USP10: variants seen among roughly 807,000 people sequenced by gnomAD.
USP10 encodes the protein ubiquitin carboxyl-terminal hydrolase 10.
Under a neutral mutation model 84.5 loss-of-function variants are expected in USP10, and 22 were observed. That is an observed-to-expected ratio of 0.26 (90% confidence interval 0.19 to 0.37). USP10 has a LOEUF of 0.37. Ranked by LOEUF, USP10 falls within the 10% of genes least tolerant of loss-of-function variation. The probability of loss-of-function intolerance (pLI) is 1.00; values close to 1 mark genes in which losing one functional copy is unlikely to be tolerated. For missense variants in USP10, 1,019 were observed against 998.9 expected, an observed-to-expected ratio of 1.02 and a Z score of -0.27; for synonymous variants, 454 against 387.6, an observed-to-expected ratio of 1.17 and a Z score of -2.01.
chr16:84,710,388 C>G (rs1011448831), intron 1 of USP10, among the ~76,000 whole-genome samples: 13 of 151,996 alleles, frequency 8.6e-5, no homozygotes, highest in African/African-American at 3.1e-4. Flanking sequence ...TGGGACTCTA[C>G]TCTCTGCTCA....
intron 4 of USP10, among the ~76,000 whole-genome samples, chr16:84,749,945 G>A (rs1281239158): frequency 6.6e-6 from 1 of 152,168 alleles, no homozygotes; most frequent in African/African-American, 2.4e-5. Flanking sequence ...AGAAGGACAC[G>A]CCAGGGGAGA....
chr16:84,738,797 G>A (rs1385734094), intron 2 of USP10, among the ~76,000 whole-genome samples: 2 of 152,186 alleles, frequency 1.3e-5, no homozygotes, highest in African/African-American at 4.8e-5. Context: ...TTTTATTGCT[G>A]TGATTATTGA....
chr16:84,750,935 AG>A (rs1911855483), intron 4 of USP10, among the ~76,000 whole-genome samples: 1 of 152,216 alleles, frequency 6.6e-6, no homozygotes. Context: ...TATACCTAAA[AG>A]GCATTGGATC....
At chr16:84,742,516 G>C (rs1309375202) in intron 3 of USP10, among the ~76,000 whole-genome samples, 2 of 152,198 alleles carry the variant, frequency 1.3e-5, no homozygotes, top group African/African-American at 4.8e-5. Flanking sequence ...CCTCTCTACT[G>C]CATGTACTGC....
Position 84,779,001 on chromosome 16 carries a change from G to C in USP10, c.2316G>C (p.Val772=), listed in dbSNP as rs375574756. The C allele has an allele frequency of 3.7e-6, 6 of 1,614,040 alleles. No individual in the cohort carries two copies. ...WLRIDDQTVK[V]INQYQVVKPT... ...GCATCGATGACCAGACAGTCAAGGT[G>C]ATCAACCAGTACCAGGTGGTGAAAC... The change falls in exon 14 of 14, where the codon GTG becomes GTC. Residue 772 remains valine (V), a synonymous_variant. Coordinates refer to ENST00000219473, the MANE Select transcript of USP10 (RefSeq NM_005153.3).
At chr16:84,732,832 C>T (rs1231168956) in intron 1 of USP10, among the ~76,000 whole-genome samples, 2 of 152,138 alleles carry the variant, frequency 1.3e-5, no homozygotes, top group Non-Finnish European at 2.9e-5. Context: ...TTAACCACTT[C>T]GTTTTCCAGA....
intron 4 of USP10, among the ~76,000 whole-genome samples, chr16:84,756,407 A>G (rs1567635358): frequency 6.6e-6 from 1 of 152,224 alleles, no homozygotes; most frequent in African/African-American, 2.4e-5. Context: ...AGCCTGGCCA[A>G]CATGGTGAAA....
At chr16:84,746,054 A>G (rs373346941) in intron 4 of USP10, among the ~76,000 whole-genome samples, 27 of 149,202 alleles carry the variant, frequency 1.8e-4, no homozygotes, top group African/African-American at 6.4e-4. Context: ...CCTTTTTTAT[A>G]TTTCTTAAGA....
At chr16:84,724,018 A>T (rs949352296) in intron 1 of USP10, among the ~76,000 whole-genome samples, 4 of 152,206 alleles carry the variant, frequency 2.6e-5, no homozygotes, top group African/African-American at 9.6e-5. Flanking sequence ...AGTTGGTGGA[A>T]TCTTGAACTT....
Position 84,762,998 on chromosome 16 carries a change from G to C in USP10, c.1564G>C (p.Glu522Gln). 6.2e-7 allele frequency: 1 copy of C among 1,607,900 alleles called. No individual in the cohort carries two copies. The highest frequency in any genetic ancestry group is 8.5e-7 in the Non-Finnish European group (1 of 1,175,594). ...TATTTGACCTTTTCAGGGTCGACAA[G>C]AAGATGCTGAGGAATACTTAGGCTT... Reference protein sequence around the residue: ...KSSLSEKGRQEDAEEYLGFIL... With the variant: ...KSSLSEKGRQQDAEEYLGFIL... The change falls in exon 9 of 14, where the codon GAA (glutamate) becomes CAA (glutamine). Residue 522 changes from glutamate (E) to glutamine (Q), a missense_variant. This residue lies in a region of USP10 where 787 missense variants were observed against 708.8 expected (regional missense o/e 1.11). Transcript: ENST00000219473.
chr16:84,771,857 G>C (rs1400032805), intron 11 of USP10, among the ~76,000 whole-genome samples: 2 of 152,120 alleles, frequency 1.3e-5, no homozygotes, highest in African/African-American at 4.8e-5. Context: ...GACAGAGTGA[G>C]AACTCCCTCC....
chr16:84,706,534 A>G (rs1026572149), intron 1 of USP10, among the ~76,000 whole-genome samples: 2 of 147,732 alleles, frequency 1.4e-5, no homozygotes, highest in African/African-American at 4.9e-5. Flanking sequence ...ATATTTATAT[A>G]TATTTTTATA....
chr16:84,749,850 G>A (rs183092176), intron 4 of USP10, among the ~76,000 whole-genome samples: 1 of 152,210 alleles, frequency 6.6e-6, no homozygotes, highest in East Asian at 1.9e-4. Flanking sequence ...CCTTCTTGGT[G>A]GCAAGGCCAT....
In USP10 at chr16:84,779,460, A is replaced by G. The variant is rs1203609047; in HGVS notation, c.*378A>G. On this transcript the variant is annotated 3_prime_UTR_variant, in exon 14 of 14. Transcript: ENST00000219473. ...GTGAAAATGAATTTTATCTTTCCTT[A>G]AAAAAGAAATTTTTTAATCCATCAC... 1 of 157,948 alleles carries G rather than the reference A, an allele frequency of 6.3e-6. No individual in the cohort carries two copies. The highest frequency in any genetic ancestry group is 1.8e-4 in the East Asian group (1 of 5,422). 9.8% of individuals were successfully genotyped at this position (157,948 alleles called of 1,614,324 possible). A position where few individuals can be genotyped will look rare whatever the true frequency, so the allele number is the denominator to read the frequency against.
rs533260271 is a variant in USP10 at position 84,717,362 on chromosome 16, T to G, written c.22-16073T>G. On this transcript the variant is annotated intron_variant, in intron 1 of 13. Transcript: ENST00000219473. ...TTTGTGCAGATTAAATGAAATATGT[T>G]GATTAAATGCCTTTAACATTGTCTA... 5.9e-5 allele frequency among the ~76,000 whole-genome samples: 9 copies of G among 152,352 alleles called. No homozygotes were observed. The East Asian group carries it at 1.7e-3, about 29-fold the overall frequency.
At chr16:84,719,063 A>C (rs1248853984) in intron 1 of USP10, among the ~76,000 whole-genome samples, 1 of 152,032 alleles carries the variant, frequency 6.6e-6, no homozygotes, top group Non-Finnish European at 1.5e-5. Flanking sequence ...AAGTGCTGGG[A>C]TTACAGGCAT....
At chr16:84,774,747 G>A (rs1044108671) in intron 12 of USP10, among the ~76,000 whole-genome samples, 5 of 152,334 alleles carry the variant, frequency 3.3e-5, no homozygotes, top group Non-Finnish European at 5.9e-5. Flanking sequence ...GGGATTACAG[G>A]CGTGAGCCAC....
chr16:84,708,125 T>G (rs1240597390), intron 1 of USP10, among the ~76,000 whole-genome samples: 1 of 151,734 alleles, frequency 6.6e-6, no homozygotes, highest in East Asian at 1.9e-4. Context: ...ACCCCCTTAG[T>G]AGTAGTCATG....
At chr16:84,727,236 C>A (rs771566103) in intron 1 of USP10, among the ~76,000 whole-genome samples, 1 of 152,164 alleles carries the variant, frequency 6.6e-6, no homozygotes, top group African/African-American at 2.4e-5. Context: ...TAATTCATGT[C>A]ATCAGTGGCA....
Sources: allele counts gnomAD v4.1 joint callset (sites outside exome capture counted in the v4.1 genomes callset), GRCh38; gene constraint gnomAD v4.1.1; regional missense constraint gnomAD v4.1.1; transcripts MANE v1.5; gene names NCBI Gene and HGNC (gene_info 2026-07-23, HGNC 2026-07-21).